NYAP2: variants seen among roughly 807,000 people sequenced by gnomAD.
The protein encoded by NYAP2 is neuronal tyrosine-phosphorylated phosphoinositide-3-kinase adapter 2.
A neutral mutation model predicts 50.4 loss-of-function variants in NYAP2; 23 were observed. The observed-to-expected ratio is 0.46, with a 90% CI of 0.33 to 0.65. The LOEUF (loss-of-function observed/expected upper bound fraction) is 0.65. Ranked by LOEUF, NYAP2 falls within the 30% of genes least tolerant of loss-of-function variation. NYAP2 has a pLI of 0.02. For synonymous variants in NYAP2, 394 were observed against 365.2 expected, an observed-to-expected ratio of 1.08 and a Z score of -0.90; for missense variants, 885 against 861.0, an observed-to-expected ratio of 1.03 and a Z score of -0.35.
At chr2:225,587,867 A>G (rs568579076) in intron 5 of NYAP2, among the ~76,000 whole-genome samples, 1 of 151,962 alleles carries the variant, frequency 6.6e-6, no homozygotes, top group East Asian at 1.9e-4. Flanking sequence ...CGTATTCTAC[A>G]TTATTGGAGA....
chr2:225,448,272 C>T (rs1233488191), intron 3 of NYAP2, among the ~76,000 whole-genome samples: 1 of 152,088 alleles, frequency 6.6e-6, no homozygotes, highest in Non-Finnish European at 1.5e-5. Flanking sequence ...CAGTGATAGT[C>T]ATCAATAACT....
chr2:225,544,634 C>T (rs763799374), intron 4 of NYAP2, among the ~76,000 whole-genome samples: 25 of 151,918 alleles, frequency 1.6e-4, no homozygotes, highest in Non-Finnish European at 3.2e-4. Flanking sequence ...CTTGTTGTAC[C>T]GTCTATGTCT....
At chr2:225,569,281 T>C (rs1009002250) in intron 4 of NYAP2, among the ~76,000 whole-genome samples, 1 of 152,200 alleles carries the variant, frequency 6.6e-6, no homozygotes, top group Admixed American at 6.5e-5. Flanking sequence ...GTCTTTCTTT[T>C]TGCAATATGA....
rs1304862546 is a variant in NYAP2 at position 225,581,910 on chromosome 2, A to G, written c.524-31A>G. On this transcript the variant is annotated intron_variant, in intron 4 of 6. Coordinates refer to ENST00000636099, the Ensembl canonical transcript of NYAP2. ...TTTTGAAAACTTTCCTATTATACTC[A>G]TCTATTCCACTACGTTTTTTCTTCT... 3 of 1,570,940 alleles carry G rather than the reference A, an allele frequency of 1.9e-6. No individual in the cohort carries two copies. The Admixed American group carries it at 5.4e-5, about 29-fold the overall frequency.
chr2:225,506,163 C>A (rs1690701688), intron 3 of NYAP2, among the ~76,000 whole-genome samples: 1 of 151,988 alleles, frequency 6.6e-6, no homozygotes, highest in Non-Finnish European at 1.5e-5. Context: ...TTAACTAATC[C>A]TTTTATTAGG....
intron 4 of NYAP2, among the ~76,000 whole-genome samples, chr2:225,581,635 G>A (rs2106228897): frequency 6.6e-6 from 1 of 152,182 alleles, no homozygotes; most frequent in African/African-American, 2.4e-5. Context: ...ATTTTATCCA[G>A]TATGTTTCAT....
intron 3 of NYAP2, among the ~76,000 whole-genome samples, chr2:225,445,214 C>T (rs1689533625): frequency 1.3e-5 from 2 of 151,986 alleles, no homozygotes; most frequent in African/African-American, 4.8e-5. Flanking sequence ...TACCAAAATA[C>T]CACGTTCACC....
chr2:225,521,487 T>C (rs1042473858), intron 4 of NYAP2, among the ~76,000 whole-genome samples: 1 of 151,862 alleles, frequency 6.6e-6, no homozygotes, highest in Non-Finnish European at 1.5e-5. Flanking sequence ...GCATGAAGGG[T>C]TGTTGAATTT....
At chr2:225,551,247 G>T (rs1316282971) in intron 4 of NYAP2, among the ~76,000 whole-genome samples, 1 of 152,148 alleles carries the variant, frequency 6.6e-6, no homozygotes, top group Non-Finnish European at 1.5e-5. Context: ...CATATGATTT[G>T]CTTGGCCAAT....
chr2:225,655,952 A>C (rs145439702), downstream of NYAP2, among the ~76,000 whole-genome samples: 738 of 151,174 alleles, frequency 4.9e-3, 7 homozygotes, highest in African/African-American at 0.015. Context: ...ACACACACAC[A>C]CCAACACAAT....
intron 4 of NYAP2, among the ~76,000 whole-genome samples, chr2:225,558,269 T>C (rs1691811639): frequency 6.6e-6 from 1 of 152,170 alleles, no homozygotes; most frequent in Admixed American, 6.6e-5. Flanking sequence ...CTGAAAACAA[T>C]ACTTGTATTA....
rs200753753 is a variant in NYAP2, at chr2:225,542,514, T to C, written c.523+28842T>C. On this transcript the variant is annotated intron_variant, in intron 4 of 6. Transcript: ENST00000636099. ...AATTTTATCAAATGCTTTTTCTGCATCAATTGAAATGATCATATGATTTTT... is the reference window on the plus strand; with the variant it reads ...AATTTTATCAAATGCTTTTTCTGCACCAATTGAAATGATCATATGATTTTT... Among the ~76,000 whole-genome samples, 11 of 152,320 alleles carry C rather than the reference T, an allele frequency of 7.2e-5. No homozygotes were observed. The East Asian group carries it at 2.1e-3, about 29-fold the overall frequency.
intron 3 of NYAP2, among the ~76,000 whole-genome samples, chr2:225,440,850 G>A (rs115101342): frequency 8.7e-4 from 132 of 152,248 alleles, no homozygotes; most frequent in Middle Eastern, 3.4e-3. Flanking sequence ...CCTGCAGATT[G>A]GATGAATTGC....
At chr2:225,643,895 A>G (rs1276817900) in intron 6 of NYAP2, among the ~76,000 whole-genome samples, 6 of 150,932 alleles carry the variant, frequency 4.0e-5, no homozygotes, top group African/African-American at 1.5e-4. Flanking sequence ...ATAGTGCCAC[A>G]ATAAACATAC....
At chr2:225,545,995 C>T (rs533651543) in intron 4 of NYAP2, among the ~76,000 whole-genome samples, 4 of 152,082 alleles carry the variant, frequency 2.6e-5, no homozygotes, top group Admixed American at 6.6e-5. Flanking sequence ...TGTAGATTAC[C>T]CAGCTCTCGT....
At chr2:225,637,057 G>A (rs1337216388) in intron 6 of NYAP2, among the ~76,000 whole-genome samples, 2 of 152,122 alleles carry the variant, frequency 1.3e-5, no homozygotes, top group African/African-American at 4.8e-5. Context: ...TTTTTTCCAA[G>A]TGAAAATGCT....
chr2:225,590,804 T>G (rs1185986819), intron 5 of NYAP2, among the ~76,000 whole-genome samples: 1 of 152,140 alleles, frequency 6.6e-6, no homozygotes, highest in Admixed American at 6.5e-5. Context: ...GATAACAATT[T>G]CACTACCTGT....
chr2:225,421,064 C>A lies in NYAP2; in HGVS notation c.221+11963C>A, dbSNP rs1244621068. ...CAGCCTCCCAGGTAGCTAGGACCAC[C>A]GTCACACACCACTATGCCCAGCTAA... On this transcript the variant is annotated intron_variant, in intron 3 of 6. Transcript: ENST00000636099. 2.0e-5 allele frequency among the ~76,000 whole-genome samples: 3 copies of A among 151,620 alleles called. No homozygotes were observed. In the South Asian group the frequency reaches 6.3e-4, roughly 32 times the overall value.
At chr2:225,553,289 T>A (rs945877520) in intron 4 of NYAP2, among the ~76,000 whole-genome samples, 7 of 152,196 alleles carry the variant, frequency 4.6e-5, no homozygotes, top group East Asian at 1.9e-4. Context: ...TTCCCCCTAG[T>A]TCCCCCTCTC....
Sources: gnomAD v4.1 joint callset for allele counts (sites outside exome capture counted in the v4.1 genomes callset) on GRCh38, gnomAD v4.1.1 for gene constraint, MANE v1.5 for transcripts, NCBI Gene and HGNC (gene_info 2026-07-23, HGNC 2026-07-21) for gene names.